Variants in CCSER1 observed in about 807,000 individuals in gnomAD.
The protein encoded by CCSER1 is serine-rich coiled-coil domain-containing protein 1.
Under a neutral mutation model 82.0 loss-of-function variants are expected in CCSER1, and 41 were observed. That is an observed-to-expected ratio of 0.50 (90% CI 0.39 to 0.65). The LOEUF (loss-of-function observed/expected upper bound fraction) is 0.65, where lower values mean the gene tolerates loss of function less well. Among genes scored for constraint, CCSER1 ranks in the 30% least tolerant of loss-of-function variants. CCSER1 has a pLI of 0.00. For synonymous variants in CCSER1, 414 were observed against 383.9 expected, an observed-to-expected ratio of 1.08 and a Z score of -0.92; for missense variants, 1,119 against 1,064.2, an observed-to-expected ratio of 1.05 and a Z score of -0.72.
chr4:91,309,338 T>G (rs1745286164), intron 10 of CCSER1, among the ~76,000 whole-genome samples: 1 of 104,852 alleles, frequency 9.5e-6, no homozygotes, highest in Non-Finnish European at 2.0e-5. Flanking sequence ...CCACTGATGA[T>G]TCTGTAAAAA....
At chr4:90,457,059 A>G (rs1560545748) in intron 4 of CCSER1, among the ~76,000 whole-genome samples, 1 of 152,162 alleles carries the variant, frequency 6.6e-6, no homozygotes, top group Non-Finnish European at 1.5e-5. Flanking sequence ...GAGCGATCCC[A>G]GGGTCCGGCC....
intron 9 of CCSER1, among the ~76,000 whole-genome samples, chr4:91,030,418 A>C (rs1485158036): frequency 1.3e-5 from 2 of 152,124 alleles, no homozygotes; most frequent in African/African-American, 4.8e-5. Flanking sequence ...TTTGAGTCTT[A>C]TTCTGTTTTA....
intron 10 of CCSER1, among the ~76,000 whole-genome samples, chr4:91,349,436 T>C (rs1748314198): frequency 6.6e-6 from 1 of 151,996 alleles, no homozygotes; most frequent in African/African-American, 2.4e-5. Flanking sequence ...ATGGTTAAGT[T>C]GTAGAAAGGC....
chr4:90,868,322 A>T (rs1273433059), intron 8 of CCSER1, among the ~76,000 whole-genome samples: 2 of 151,962 alleles, frequency 1.3e-5, no homozygotes, highest in Admixed American at 6.6e-5. Context: ...CTTACTAAAC[A>T]TCCCTTTTTC....
rs113266918 is a variant in CCSER1 at position 90,508,199 on chromosome 4, C to A, written c.1724+39845C>A. 9.9e-3 allele frequency among the ~76,000 whole-genome samples: 1,498 copies of A among 152,064 alleles called. 25 individuals carry two copies. The highest frequency in any genetic ancestry group is 0.034 in the African/African-American group (1,421 of 41,508). On this transcript the variant is annotated intron_variant, in intron 5 of 10. Transcript: ENST00000509176. ...TACTGAAAATTGCCTCTCAGAAAAG[C>A]AGTTACGTTGGGTATACAGTGAGTA...
intron 10 of CCSER1, among the ~76,000 whole-genome samples, chr4:91,321,498 G>C (rs1211329059): frequency 1.2e-4 from 18 of 152,026 alleles, no homozygotes; most frequent in Non-Finnish European, 4.4e-5. Context: ...TCAAAAGCAG[G>C]AGTATTGAAA....
chr4:90,129,685 C>G (rs1722482720), intron 1 of CCSER1, among the ~76,000 whole-genome samples: 1 of 152,192 alleles, frequency 6.6e-6, no homozygotes, highest in Admixed American at 6.5e-5. Flanking sequence ...TTGATCAAAA[C>G]AAACCAACTG....
At chr4:90,556,480 A>G (rs1177127179) in intron 5 of CCSER1, among the ~76,000 whole-genome samples, 1 of 152,082 alleles carries the variant, frequency 6.6e-6, no homozygotes, top group African/African-American at 2.4e-5. Context: ...GCAGTCAAAA[A>G]TCCACAGATA....
chr4:91,260,799 C>T (rs867564422), intron 10 of CCSER1, among the ~76,000 whole-genome samples: 1 of 151,952 alleles, frequency 6.6e-6, no homozygotes, highest in African/African-American at 2.4e-5. Context: ...CTCACTCAGT[C>T]GCCCAGGCTA....
chr4:90,371,732 G>GT (rs1747460270), intron 3 of CCSER1, among the ~76,000 whole-genome samples: 1 of 152,150 alleles, frequency 6.6e-6, no homozygotes, highest in Non-Finnish European at 1.5e-5. Context: ...ACTAAAAACA[G>GT]TGTTAGGATC....
chr4:91,472,665 A>G (rs530959818), intron 10 of CCSER1, among the ~76,000 whole-genome samples: 1 of 152,200 alleles, frequency 6.6e-6, no homozygotes, highest in East Asian at 1.9e-4. Flanking sequence ...AGACAGTTTC[A>G]TAGGCACAAT....
intron 8 of CCSER1, among the ~76,000 whole-genome samples, chr4:90,898,803 A>G (rs928161556): frequency 2.7e-5 from 4 of 150,394 alleles, no homozygotes; most frequent in African/African-American, 9.8e-5. Flanking sequence ...CCACTGCTCT[A>G]TGTGTCTGTT....
At chr4:91,258,592 T>G (rs955708827) in intron 10 of CCSER1, among the ~76,000 whole-genome samples, 2 of 152,122 alleles carry the variant, frequency 1.3e-5, no homozygotes, top group African/African-American at 2.4e-5. Context: ...ATTATCTTTG[T>G]GTTTAAGGCT....
At chr4:91,291,186 A>T (rs1271157242) in intron 10 of CCSER1, among the ~76,000 whole-genome samples, 1 of 151,936 alleles carries the variant, frequency 6.6e-6, no homozygotes, top group Non-Finnish European at 1.5e-5. Flanking sequence ...GCTTGCAGAT[A>T]GGTAATAAGA....
chr4:90,476,779 G>A (rs758694895), intron 5 of CCSER1, among the ~76,000 whole-genome samples: 3 of 151,878 alleles, frequency 2.0e-5, no homozygotes, highest in Non-Finnish European at 4.4e-5. Flanking sequence ...ATAATATTTG[G>A]TCCCTTGTGC....
intron 10 of CCSER1, among the ~76,000 whole-genome samples, chr4:91,427,198 C>T (rs1005016666): frequency 6.6e-6 from 1 of 152,124 alleles, no homozygotes; most frequent in Middle Eastern, 3.2e-3. Context: ...AACAGCCTTA[C>T]ACACTTTAAA....
chr4:91,082,806 A>G (rs1349407610), intron 9 of CCSER1, among the ~76,000 whole-genome samples: 3 of 152,344 alleles, frequency 2.0e-5, no homozygotes, highest in Non-Finnish European at 2.9e-5. Context: ...AGACACATGA[A>G]AAAATGCTCA....
chr4:91,399,426 T>A (rs1419446442), intron 10 of CCSER1, among the ~76,000 whole-genome samples: 1 of 151,996 alleles, frequency 6.6e-6, no homozygotes, highest in Non-Finnish European at 1.5e-5. Context: ...TTTTAAAATG[T>A]TCATCATTGT....
intron 1 of CCSER1, among the ~76,000 whole-genome samples, chr4:90,286,458 G>T (rs1372992191): frequency 6.6e-6 from 1 of 151,956 alleles, no homozygotes; most frequent in Non-Finnish European, 1.5e-5. Flanking sequence ...GAATTATTTG[G>T]ATAGTTTGTG....
Sources: gnomAD v4.1 joint callset for allele counts (sites outside exome capture counted in the v4.1 genomes callset) on GRCh38, gnomAD v4.1.1 for gene constraint, MANE v1.5 for transcripts, NCBI Gene and HGNC (gene_info 2026-07-23, HGNC 2026-07-21) for gene names.